AMY2B: variants seen among roughly 807,000 people sequenced by gnomAD.
AMY2B encodes alpha-amylase 2B.
In AMY2B, 63 loss-of-function variants were observed where a neutral mutation model predicts 59.3. The ratio of observed to expected loss-of-function variants is 1.06; its 90% CI spans 0.87 to 1.31. AMY2B has a LOEUF of 1.31. Among genes scored for constraint, AMY2B ranks in the 50% most tolerant of loss-of-function variants. AMY2B has a pLI of 0.00. For synonymous variants in AMY2B, 180 were observed against 198.1 expected (o/e 0.91, Z 0.77); for missense variants, 635 against 626.7 (o/e 1.01, Z -0.14).
intron 5 of AMY2B, among the ~76,000 whole-genome samples, 186 bp from the exon 6 acceptor site, chr1:103,575,037 A>G (rs1652291267): frequency 7.2e-6 from 1 of 138,214 alleles, no homozygotes; most frequent in African/African-American, 2.7e-5. Flanking sequence ...TATATATTTG[A>G]GTGTGTGTTT....
intron 7 of AMY2B, 165 bp from the exon 8 acceptor site, chr1:103,577,325 T>G (rs1278459949): frequency 7.7e-7 from 1 of 1,292,744 alleles, no homozygotes; most frequent in Non-Finnish European, 1.1e-6. Flanking sequence ...AGAGAGATGA[T>G]GAAGACCCAG....
At chr1:103,571,192 C>A (rs1186550471), upstream of AMY2B, 5 of 793,328 alleles carry the variant, frequency 6.3e-6, no homozygotes, top group Non-Finnish European at 6.5e-6. Flanking sequence ...CTGTTACTCG[C>A]CTTGAGTTGG....
exon 1 of AMY2B, chr1:103,554,904 TTAGA>T (rs1651497424): frequency 1.3e-5 from 2 of 152,280 alleles, no homozygotes; most frequent in Non-Finnish European, 2.9e-5. Flanking sequence ...AGCGGTTTAT[TTAGA>T]TAAATTTTGT....
At chr1:103,571,276 C>T (rs566570276), upstream of AMY2B, 25 of 719,644 alleles carry the variant, frequency 3.5e-5, 1 homozygote, top group Admixed American at 8.1e-5. Context: ...ATGCAATTCT[C>T]GATCTTTAAA....
chr1:103,570,890 T>G, upstream of AMY2B: 2 of 361,792 alleles, frequency 5.5e-6, no homozygotes, highest in Non-Finnish European at 1.1e-5. Flanking sequence ...TTCCCCTTGG[T>G]ATCTGTACAT....
At chr1:103,571,841 G>A (rs1293696694) in intron 1 of AMY2B, 71 bp downstream of exon 1, 4 of 1,611,242 alleles carry the variant, frequency 2.5e-6, no homozygotes, top group East Asian at 2.2e-5. Flanking sequence ...GATCTTATCC[G>A]TGAAGCTTAG....
chr1:103,571,882 A>C (rs1350743462), intron 1 of AMY2B, 112 bp downstream of exon 1: 3 of 1,597,044 alleles, frequency 1.9e-6, no homozygotes, highest in Non-Finnish European at 1.7e-6. Flanking sequence ...TAAGTATTCT[A>C]AGTAAGAGTT....
At chr1:103,555,742 C>G (rs867894638) in intron 1 of AMY2B, among the ~76,000 whole-genome samples, 3 of 152,078 alleles carry the variant, frequency 2.0e-5, no homozygotes, top group Admixed American at 6.5e-5. Context: ...TAGTGAGTAT[C>G]GAAGACAACT....
chr1:103,569,618 TG>T, upstream of AMY2B: 4 of 399,380 alleles, frequency 1.0e-5, no homozygotes, highest in Non-Finnish European at 1.0e-5. Flanking sequence ...CTGGCTTTGC[TG>T]GGGACGACAA....
Position 103,572,180 on chromosome 1 carries a change from T to C in AMY2B, c.239T>C (p.Val80Ala). The change falls in exon 2 of 10, where the codon GTT (valine) becomes GCT (alanine). Residue 80 changes from valine (V) to alanine (A), a missense_variant. Physicochemically the swap from Val to Ala is moderately conservative, Grantham distance 64. Coordinates refer to ENST00000684275, the MANE Select transcript of AMY2B (RefSeq NM_001387437.1). The stretch of plus-strand genomic sequence containing the variant: ...CCTTGGTGGGAAAGATACCAACCAG[T>C]TAGCTATAAATTATGCACAAGATCT... ...FRPWWERYQP[V>A]SYKLCTRSGN... 1 of 1,611,676 alleles carries C rather than the reference T, an allele frequency of 6.2e-7. No individual in the cohort carries two copies. Among genetic ancestry groups the C allele is most frequent in the Non-Finnish European group, 8.5e-7 (1 of 1,179,684 alleles).
chr1:103,568,308 A>G (rs978456431), upstream of AMY2B: 24 of 152,158 alleles, frequency 1.6e-4, no homozygotes, highest in African/African-American at 5.8e-4. Flanking sequence ...TTTCACTTAC[A>G]TTACATTAAG....
At chr1:103,573,039 T>G in intron 2 of AMY2B, 24 bp from the exon 3 acceptor site, 1 of 1,612,878 alleles carries the variant, frequency 6.2e-7, no homozygotes, top group South Asian at 1.1e-5. Flanking sequence ...TAAGTCACAC[T>G]GAAGTAGAAA....
At chr1:103,558,244 G>T (rs1411135819) in intron 1 of AMY2B, among the ~76,000 whole-genome samples, 1 of 152,184 alleles carries the variant, frequency 6.6e-6, no homozygotes, top group African/African-American at 2.4e-5. Context: ...ACATTACAAA[G>T]GGACTAATAA....
chr1:103,577,992 T>C, intron 9 of AMY2B, 147 bp downstream of exon 9: 1 of 1,498,876 alleles, frequency 6.7e-7, no homozygotes, highest in Middle Eastern at 2.5e-4. Context: ...TGGGCAGAAG[T>C]AAAAAGATGA....
chr1:103,577,687 A>AT (rs1180215409), intron 8 of AMY2B, 33 bp from the exon 9 acceptor site: 1 of 1,611,772 alleles, frequency 6.2e-7, no homozygotes, highest in Non-Finnish European at 8.5e-7. Context: ...AAGTTTAAGA[A>AT]TATCAACGTT....
chr1:103,573,673 T>C (rs750224770), intron 3 of AMY2B, 35 bp from the exon 4 acceptor site: 1 of 1,611,824 alleles, frequency 6.2e-7, no homozygotes, highest in East Asian at 2.2e-5. Context: ...AAAATGAGGT[T>C]TTATGAATCA....
intron 1 of AMY2B, among the ~76,000 whole-genome samples, chr1:103,559,172 A>G (rs1016661263): frequency 6.6e-6 from 1 of 152,222 alleles, no homozygotes; most frequent in African/African-American, 2.4e-5. Context: ...TTGCATGGTG[A>G]ATACAGTCGT....
At chr1:103,570,968 A>G (rs1333804298), upstream of AMY2B, 2 of 351,512 alleles carry the variant, frequency 5.7e-6, no homozygotes, top group Non-Finnish European at 1.1e-5. Flanking sequence ...CTTGTGGAAG[A>G]CAAGTCTGGC....
At chr1:103,570,568 T>A (rs1242731993), upstream of AMY2B, 1 of 600,990 alleles carries the variant, frequency 1.7e-6, no homozygotes, top group Non-Finnish European at 3.3e-6. Context: ...TCCGTGTGGA[T>A]CAGCGGCTCC....
Sources: gnomAD v4.1 joint callset for allele counts (sites outside exome capture counted in the v4.1 genomes callset) on GRCh38, gnomAD v4.1.1 for gene constraint, MANE v1.5 for transcripts, NCBI Gene and HGNC (gene_info 2026-07-23, HGNC 2026-07-21) for gene names.